The following CORO1C variants were observed in gnomAD, a reference collection of about 807,000 sequenced individuals.
CORO1C encodes the protein coronin 1C, also known as coronin-1C.
CORO1C carries 14 observed loss-of-function variants against 51.2 expected under a neutral mutation model. The observed-to-expected ratio is 0.27, with a 90% CI of 0.18 to 0.43. The LOEUF (loss-of-function observed/expected upper bound fraction) is 0.43. Ranked by LOEUF, CORO1C falls within the 20% of genes least tolerant of loss-of-function variation. The pLI is 1.00. For synonymous variants in CORO1C, 181 were observed against 210.5 expected, an observed-to-expected ratio of 0.86 and a Z score of 1.21; for missense variants, 417 against 607.8, an observed-to-expected ratio of 0.69 and a Z score of 3.30.
chr12:108,719,111 T>A (rs927717012), intron 1 of CORO1C, among the ~76,000 whole-genome samples: 1 of 152,210 alleles, frequency 6.6e-6, no homozygotes, highest in African/African-American at 2.4e-5. Flanking sequence ...CCTTCCAAAC[T>A]GTATCAAGAC....
At chr12:108,696,987 T>G (rs1489439253) in intron 2 of CORO1C, among the ~76,000 whole-genome samples, 1 of 152,226 alleles carries the variant, frequency 6.6e-6, no homozygotes, top group Non-Finnish European at 1.5e-5. Context: ...GCTGCATATG[T>G]GTGTGTCTTT....
At chr12:108,659,079 C>T (rs561129879) in intron 4 of CORO1C, among the ~76,000 whole-genome samples, 160 bp from the exon 5 acceptor site, 3 of 152,198 alleles carry the variant, frequency 2.0e-5, no homozygotes, top group Admixed American at 2.0e-4. Context: ...AGAGGCCCTA[C>T]CAGAGGCCCT....
In CORO1C at chr12:108,661,917, A is replaced by G. The variant is rs1045608013; in HGVS notation, c.448+112T>C. 59 of 1,210,744 alleles carry G rather than the reference A, an allele frequency of 4.9e-5. 2 individuals are homozygous for G. The highest frequency in any genetic ancestry group is 1.1e-4 in the African/African-American group (7 of 66,594). 75.0% of individuals were successfully genotyped at this position (1,210,744 alleles called of 1,614,324 possible). On this transcript the variant is annotated intron_variant, in intron 4 of 10. Transcript: ENST00000261401. ...CCAATACTCTTCACCATGGTTTCCT[A>G]ATAATCTGCTTTAAAACCATATAGC...
intron 8 of CORO1C, 50 bp from the exon 9 acceptor site, chr12:108,649,070 G>A: frequency 6.3e-7 from 1 of 1,584,882 alleles, no homozygotes; most frequent in Non-Finnish European, 8.7e-7. Flanking sequence ...ATATGAGGCT[G>A]ACTAACAGGA....
intron 1 of CORO1C, among the ~76,000 whole-genome samples, chr12:108,703,894 C>G (rs796121763): frequency 2.0e-5 from 3 of 152,304 alleles, no homozygotes; most frequent in African/African-American, 7.2e-5. Context: ...TGCCTTACCC[C>G]ACAAGAGATC....
At chr12:108,671,171 CA>C (rs916915443) in intron 3 of CORO1C, among the ~76,000 whole-genome samples, 2 of 151,448 alleles carry the variant, frequency 1.3e-5, no homozygotes, top group African/African-American at 2.4e-5. Context: ...CTCGTCTCTA[CA>C]AAAAAAATAG....
intron 3 of CORO1C, among the ~76,000 whole-genome samples, chr12:108,663,007 G>A (rs1401983617): frequency 6.6e-6 from 1 of 152,190 alleles, no homozygotes; most frequent in Non-Finnish European, 1.5e-5. Flanking sequence ...TTGAAAAATA[G>A]GCCAGTCATC....
chr12:108,729,578 A>G (rs1276170740), intron 1 of CORO1C, among the ~76,000 whole-genome samples: 2 of 152,234 alleles, frequency 1.3e-5, no homozygotes, highest in African/African-American at 2.4e-5. Flanking sequence ...CCTAAGGTAC[A>G]ACACAATTCT....
intron 3 of CORO1C, among the ~76,000 whole-genome samples, chr12:108,676,709 T>C (rs964536980): frequency 6.6e-6 from 1 of 151,346 alleles, no homozygotes; most frequent in Non-Finnish European, 1.5e-5. Flanking sequence ...GAGGTAGAGG[T>C]TGCAGTGAGC....
chr12:108,722,356 AAGAG>A (rs2035492163), intron 1 of CORO1C, among the ~76,000 whole-genome samples: 1 of 152,152 alleles, frequency 6.6e-6, no homozygotes, highest in South Asian at 2.1e-4. Flanking sequence ...GCTTCAAATT[AAGAG>A]AGAGATGAAG....
At chr12:108,665,708 A>T (rs1308671112) in intron 3 of CORO1C, among the ~76,000 whole-genome samples, 1 of 152,220 alleles carries the variant, frequency 6.6e-6, no homozygotes, top group Non-Finnish European at 1.5e-5. Context: ...TTAAGGAATT[A>T]ATTAACCCTC....
rs567146534 is a variant in CORO1C at position 108,647,278 on chromosome 12, T to C, written c.*125A>G. 987 of 861,974 alleles carry C rather than the reference T, an allele frequency of 1.1e-3. 4 individuals are homozygous for C. Among genetic ancestry groups the C allele is most frequent in the Non-Finnish European group, 1.6e-3 (944 of 581,828 alleles). The allele number at this position is 861,974 out of a possible 1,614,324, so 53.4% of individuals were successfully genotyped here. A position where few individuals can be genotyped will look rare whatever the true frequency, so the allele number is the denominator to read the frequency against. ...ATGTGGCCTATCGCTGGTTGACAAA[T>C]CTGAAATGGAATGTCTCCAAATGGC... On this transcript the variant is annotated 3_prime_UTR_variant, in exon 11 of 11. Transcript: ENST00000261401.
Position 108,701,148 on chromosome 12 carries a change from C to A in CORO1C, c.171G>T (p.Ala57=), listed in dbSNP as rs774631156. The A allele has an allele frequency of 8.1e-6, 13 of 1,613,976 alleles. No individual in the cohort carries two copies. The highest frequency in any genetic ancestry group is 5.5e-5 in the South Asian group (5 of 91,080). The change falls in exon 2 of 11, where the codon GCG becomes GCT. Residue 57 remains alanine (A), a synonymous_variant. Coordinates refer to ENST00000261401, the MANE Select transcript of CORO1C (RefSeq NM_014325.4). ...AIIIEASGGG[A]FLVLPLHKTG... is the part of the protein sequence containing the mutation. ...CCTTGTGCAGAGGGAGGACAAGGAA[C>A]GCTCCTCCCCCACTTGCCTCTATGA...
chr12:108,667,143 C>G (rs1031722724), intron 3 of CORO1C, among the ~76,000 whole-genome samples: 1 of 151,402 alleles, frequency 6.6e-6, no homozygotes, highest in Non-Finnish European at 1.5e-5. Flanking sequence ...ACCACTATGA[C>G]GCCATATATA....
intron 3 of CORO1C, among the ~76,000 whole-genome samples, chr12:108,664,268 G>A (rs996368963): frequency 6.6e-6 from 1 of 152,102 alleles, no homozygotes; most frequent in Non-Finnish European, 1.5e-5. Context: ...GTGAGAAAAA[G>A]AATTTTCCTT....
At chr12:108,715,021 T>G (rs2136880612) in intron 1 of CORO1C, among the ~76,000 whole-genome samples, 1 of 151,996 alleles carries the variant, frequency 6.6e-6, no homozygotes, top group East Asian at 1.9e-4. Flanking sequence ...TGACAAGAAG[T>G]AAAATGAGCA....
chr12:108,679,211 C>T (rs1401859081), intron 2 of CORO1C, among the ~76,000 whole-genome samples: 1 of 148,086 alleles, frequency 6.8e-6, no homozygotes, highest in Non-Finnish European at 1.5e-5. Flanking sequence ...ATCATTAGGG[C>T]CTAAAGAGCC....
chr12:108,710,899 A>G (rs1489944901), intron 1 of CORO1C, among the ~76,000 whole-genome samples: 1 of 152,186 alleles, frequency 6.6e-6, no homozygotes, highest in Non-Finnish European at 1.5e-5. Flanking sequence ...TATTTTAACC[A>G]AGAACAAGTA....
At chr12:108,666,573 C>T (rs867792128) in intron 3 of CORO1C, among the ~76,000 whole-genome samples, 1 of 152,138 alleles carries the variant, frequency 6.6e-6, no homozygotes, top group Non-Finnish European at 1.5e-5. Context: ...ATGGCCTGCT[C>T]GGTTTGGACT....
Sources: gnomAD v4.1 joint callset for allele counts (sites outside exome capture counted in the v4.1 genomes callset) on GRCh38, gnomAD v4.1.1 for gene constraint, MANE v1.5 for transcripts, NCBI Gene and HGNC (gene_info 2026-07-23, HGNC 2026-07-21) for gene names.